The following TENM1 variants were observed in gnomAD, a reference collection of about 807,000 sequenced individuals.
TENM1 encodes teneurin transmembrane protein 1.
TENM1 carries 35 observed loss-of-function variants against 174.8 expected under a neutral mutation model. The observed-to-expected ratio is 0.20, with a 90% CI of 0.15 to 0.27. TENM1 has a LOEUF of 0.27. Ranked by LOEUF, TENM1 falls within the 10% of genes least tolerant of loss-of-function variation. The pLI is 1.00. For missense variants in TENM1, 1,633 were observed against 2,130.1 expected, an observed-to-expected ratio of 0.77 and a Z score of 4.59; for synonymous variants, 781 against 798.7, an observed-to-expected ratio of 0.98 and a Z score of 0.37.
chrX:124,710,738 A>C (rs2148503629), intron 4 of TENM1, among the ~76,000 whole-genome samples: 1 of 112,417 alleles, frequency 8.9e-6, no homozygotes, highest in African/African-American at 3.2e-5. Flanking sequence ...TCATGTACTA[A>C]GGTTCTTGTT....
the TENM1 span, among the ~76,000 whole-genome samples, chrX:125,004,815 T>G: frequency 8.9e-6 from 1 of 112,039 alleles, no homozygotes; most frequent in Non-Finnish European, 1.9e-5. Flanking sequence ...TATGTTTTTT[T>G]CTTTTTTAAT....
intron 3 of TENM1, among the ~76,000 whole-genome samples, chrX:124,844,304 TTTAA>T (rs1016442452): frequency 6.3e-5 from 7 of 111,707 alleles, no homozygotes; most frequent in Admixed American, 1.9e-4. Context: ...TTCCAATGTA[TTTAA>T]TTAATCAATT....
intron 3 of TENM1, among the ~76,000 whole-genome samples, chrX:124,756,167 TC>T (rs1271691188): frequency 4.9e-5 from 5 of 102,927 alleles, no homozygotes; most frequent in Admixed American, 1.0e-4. Flanking sequence ...GTCCCATATT[TC>T]TTGGAGGCTT....
chrX:124,551,384 T>C (rs192398007), intron 14 of TENM1, among the ~76,000 whole-genome samples: 1 of 110,156 alleles, frequency 9.1e-6, no homozygotes, highest in East Asian at 2.8e-4. Context: ...ATATGAGGAG[T>C]TGTTTAATGG....
At chrX:124,761,027 T>C (rs1429047235) in intron 3 of TENM1, among the ~76,000 whole-genome samples, 1 of 111,768 alleles carries the variant, frequency 8.9e-6, no homozygotes, top group East Asian at 2.8e-4. Context: ...ATGGCGATCA[T>C]TAAAAAGTCA....
chrX:124,668,403 T>C (rs1396989582), intron 6 of TENM1, among the ~76,000 whole-genome samples: 1 of 111,978 alleles, frequency 8.9e-6, no homozygotes, highest in Non-Finnish European at 1.9e-5. Flanking sequence ...TGCACACGTA[T>C]GTTTACTGCG....
chrX:124,818,562 C>CTATTA (rs2055959313), intron 3 of TENM1, among the ~76,000 whole-genome samples: 2 of 111,530 alleles, frequency 1.8e-5, no homozygotes, highest in Admixed American at 1.9e-4. Flanking sequence ...TTAGGAAAAT[C>CTATTA]TATTATATGG....
chrX:124,488,447 G>A (rs1250969725), intron 20 of TENM1, among the ~76,000 whole-genome samples: 1 of 111,860 alleles, frequency 8.9e-6, no homozygotes, highest in African/African-American at 3.2e-5. Flanking sequence ...ACCTTTCTGA[G>A]ATTTTACTAG....
chrX:125,055,042 A>G, the TENM1 span, among the ~76,000 whole-genome samples: 5 of 111,921 alleles, frequency 4.5e-5, no homozygotes, highest in Non-Finnish European at 5.6e-5. Context: ...GTCACTTTCT[A>G]AATTGTAAAA....
intron 3 of TENM1, among the ~76,000 whole-genome samples, chrX:124,778,135 T>C (rs1200160829): frequency 1.8e-5 from 2 of 113,128 alleles, no homozygotes; most frequent in Admixed American, 9.3e-5. Flanking sequence ...TGCAAACTAC[T>C]TTTGTTCCAG....
At chrX:124,619,601 T>C (rs1269632437) in intron 11 of TENM1, among the ~76,000 whole-genome samples, 1 of 111,913 alleles carries the variant, frequency 8.9e-6, no homozygotes, top group Non-Finnish European at 1.9e-5. Context: ...GTTGAGGCTA[T>C]ATGTATTTTA....
intron 20 of TENM1, among the ~76,000 whole-genome samples, chrX:124,490,066 A>C (rs2047033095): frequency 8.9e-6 from 1 of 112,160 alleles, no homozygotes; most frequent in African/African-American, 3.2e-5. Flanking sequence ...AAGCAATCTG[A>C]TAAATGAATC....
intron 22 of TENM1, among the ~76,000 whole-genome samples, chrX:124,468,854 C>G (rs967838521): frequency 8.9e-6 from 1 of 111,999 alleles, no homozygotes; most frequent in African/African-American, 3.2e-5. Context: ...TCTCTTTTAT[C>G]CATGCAACAT....
chrX:124,529,904 G>A lies in TENM1; in HGVS notation c.2731C>T (p.His911Tyr), dbSNP rs2048067474. 1.7e-6 allele frequency: 2 copies of A among 1,210,934 alleles called. No individual in the cohort carries two copies. The highest frequency in any genetic ancestry group is 3.5e-5 in the South Asian group (2 of 56,906). Residue 911 changes from histidine (H) to tyrosine (Y), a missense_variant, in exon 16 of 32, where the codon CAC becomes TAC. Coordinates refer to ENST00000422452, the Ensembl canonical transcript of TENM1. The stretch of plus-strand genomic sequence containing the variant: ...CTGATGGTAAACCCATAATCACTGT[G>A]GTGCAAGAAACTGACATTCACTCCC...
At chrX:124,965,550 C>T (rs1484302611), upstream of TENM1, among the ~76,000 whole-genome samples, 1 of 111,751 alleles carries the variant, frequency 8.9e-6, no homozygotes, top group Non-Finnish European at 1.9e-5. Flanking sequence ...ATCCCCCACA[C>T]CGCTAAGTAT....
In TENM1 at chrX:124,651,304, C is replaced by T. The variant is rs756372960; in HGVS notation, c.1579+610G>A. 8.1e-5 allele frequency among the ~76,000 whole-genome samples: 9 copies of T among 111,381 alleles called. No homozygotes were observed. The South Asian group carries it at 3.4e-3, about 43-fold the overall frequency. ...TAGGGTGAAAGTGAATGAGTATAGG[C>T]AGGCATCGCATTAAAAAGAACATGT... On this transcript the variant is annotated intron_variant, in intron 8 of 31. Coordinates refer to ENST00000422452, the Ensembl canonical transcript of TENM1.
chrX:124,810,532 T>C (rs956132599), intron 3 of TENM1, among the ~76,000 whole-genome samples: 4 of 111,461 alleles, frequency 3.6e-5, no homozygotes, highest in African/African-American at 9.8e-5. Flanking sequence ...TATAAAACCT[T>C]GATGAAAGAA....
chrX:125,179,092 T>C, the TENM1 span, among the ~76,000 whole-genome samples: 2 of 111,599 alleles, frequency 1.8e-5, no homozygotes, highest in Non-Finnish European at 3.8e-5. Flanking sequence ...CAAAAACTAA[T>C]GCCTAAATTA....
At chrX:124,554,300 A>C (rs1395819056) in intron 14 of TENM1, among the ~76,000 whole-genome samples, 2 of 111,493 alleles carry the variant, frequency 1.8e-5, no homozygotes, top group Non-Finnish European at 3.8e-5. Context: ...CTGTATTTCA[A>C]CTCTTTTCTC....
Sources: gnomAD v4.1 joint callset for allele counts (sites outside exome capture counted in the v4.1 genomes callset) on GRCh38, gnomAD v4.1.1 for gene constraint, MANE v1.5 for transcripts, NCBI Gene and HGNC (gene_info 2026-07-23, HGNC 2026-07-21) for gene names.